LY96: variants seen among roughly 807,000 people sequenced by gnomAD.
The protein encoded by LY96 is lymphocyte antigen 96.
In LY96, 18 loss-of-function variants were observed where a neutral mutation model predicts 18.9. That is an observed-to-expected ratio of 0.95 (90% CI 0.66 to 1.41). The LOEUF is 1.41. LY96 is among the 40% of genes most tolerant of loss of function. The pLI, the probability that LY96 is intolerant of heterozygous loss-of-function variation, is 0.00. For synonymous variants in LY96, 66 were observed against 62.6 expected, an observed-to-expected ratio of 1.06 and a Z score of -0.26; for missense variants, 175 against 182.4, an observed-to-expected ratio of 0.96 and a Z score of 0.23.
intron 3 of LY96, among the ~76,000 whole-genome samples, chr8:74,014,308 G>A (rs1339607164): frequency 6.6e-6 from 1 of 150,764 alleles, no homozygotes; most frequent in African/African-American, 2.4e-5. Context: ...AGCTACTTGG[G>A]ACTGAGGTGG....
chr8:74,019,971 A>AT lies in LY96; in HGVS notation c.332-6817dup, dbSNP rs1362152315. ...AAACCCACAGCCAATATCATACTGA[A>AT]TGGGCAAAAACTGAAAGCATTCCCT... On this transcript the variant is annotated intron_variant, in intron 3 of 4. Coordinates refer to ENST00000284818, the MANE Select transcript of LY96 (RefSeq NM_015364.5). Among the ~76,000 whole-genome samples, 8 of 152,364 alleles carry AT rather than the reference A, an allele frequency of 5.3e-5. No individual in the cohort carries two copies. The East Asian group carries it at 1.5e-3, about 29-fold the overall frequency.
chr8:74,060,810 G>A, the LY96 span, among the ~76,000 whole-genome samples: 7 of 152,324 alleles, frequency 4.6e-5, no homozygotes, highest in East Asian at 7.7e-4. Flanking sequence ...GAAGTAAACT[G>A]ATCTATTTAT....
the LY96 span, among the ~76,000 whole-genome samples, chr8:74,068,101 T>TATATATATATAA: frequency 7.6e-6 from 1 of 130,882 alleles, no homozygotes; most frequent in African/African-American, 3.0e-5. Context: ...TATATATATA[T>TATATATATATAA]AACATTTCCT....
At chr8:74,016,607 A>AGTAGGG (rs1362766109) in intron 3 of LY96, among the ~76,000 whole-genome samples, 1 of 152,188 alleles carries the variant, frequency 6.6e-6, no homozygotes, top group East Asian at 1.9e-4. Context: ...GACACCTCCT[A>AGTAGGG]GTAGGGGCTT....
the LY96 span, among the ~76,000 whole-genome samples, chr8:74,064,538 C>T: frequency 7.2e-5 from 11 of 152,220 alleles, no homozygotes; most frequent in Non-Finnish European, 1.2e-4. Flanking sequence ...ATTTTAAAAG[C>T]GCATGGCACC....
At chr8:74,050,371 G>C in the LY96 span, among the ~76,000 whole-genome samples, 1 of 151,850 alleles carries the variant, frequency 6.6e-6, no homozygotes, top group Non-Finnish European at 1.5e-5. Context: ...AATAAATTTA[G>C]TATGAATTAA....
At chr8:74,037,756 C>A in the LY96 span, among the ~76,000 whole-genome samples, 1 of 152,306 alleles carries the variant, frequency 6.6e-6, no homozygotes, top group Non-Finnish European at 1.5e-5. Flanking sequence ...CTGGTTATTG[C>A]TTTAGTGAGT....
At chr8:73,995,445 G>A (rs1205017149) in intron 1 of LY96, among the ~76,000 whole-genome samples, 1 of 152,146 alleles carries the variant, frequency 6.6e-6, no homozygotes, top group East Asian at 1.9e-4. Context: ...GATTGGATTA[G>A]GGCCCATCCT....
the LY96 span, among the ~76,000 whole-genome samples, chr8:74,091,455 A>C: frequency 6.6e-6 from 1 of 152,238 alleles, no homozygotes; most frequent in Non-Finnish European, 1.5e-5. Context: ...TGAGTCAGGC[A>C]GAGTAAACCT....
chr8:74,079,923 G>A, the LY96 span, among the ~76,000 whole-genome samples: 2 of 152,230 alleles, frequency 1.3e-5, no homozygotes, highest in Non-Finnish European at 2.9e-5. Context: ...ATGTGTGCAG[G>A]GAAGGGGGAA....
chr8:74,016,332 C>A (rs1816641805), intron 3 of LY96, among the ~76,000 whole-genome samples: 1 of 152,236 alleles, frequency 6.6e-6, no homozygotes, highest in Non-Finnish European at 1.5e-5. Context: ...ATTGCTGAGG[C>A]TTGAGTAGGT....
chr8:74,035,578 C>G, the LY96 span, among the ~76,000 whole-genome samples: 2 of 152,298 alleles, frequency 1.3e-5, no homozygotes, highest in East Asian at 3.9e-4. Context: ...CAGGCAATGA[C>G]AGGAAGGGGG....
chr8:74,096,399 A>T, the LY96 span, among the ~76,000 whole-genome samples: 3 of 151,934 alleles, frequency 2.0e-5, no homozygotes, highest in African/African-American at 7.2e-5. Flanking sequence ...AACTTTCTAG[A>T]TGTGTTTCTA....
intron 1 of LY96, among the ~76,000 whole-genome samples, chr8:74,000,727 G>T (rs1816244275): frequency 6.6e-6 from 1 of 152,152 alleles, no homozygotes; most frequent in African/African-American, 2.4e-5. Flanking sequence ...TGCTATAACA[G>T]AATACGTAAG....
At chr8:74,026,871 T>C in intron 4 of LY96, 30 bp downstream of exon 4, 1 of 1,140,084 alleles carries the variant, frequency 8.8e-7, no homozygotes, top group Non-Finnish European at 1.3e-6. Flanking sequence ...TTGTACTGTC[T>C]AACCTTTAGC....
chr8:74,024,385 T>A, intron 3 of LY96, among the ~76,000 whole-genome samples: 1 of 151,054 alleles, frequency 6.6e-6, no homozygotes, highest in East Asian at 1.9e-4. Context: ...TATTAATGCA[T>A]TAATATTCAC....
intron 3 of LY96, among the ~76,000 whole-genome samples, chr8:74,022,581 C>CTTTTTTTTTTT (rs769379029): frequency 2.3e-5 from 3 of 133,146 alleles, no homozygotes; most frequent in African/African-American, 8.6e-5. Flanking sequence ...TTCTTTTTTT[C>CTTTTTTTTTTT]TTTTTTTTTT....
chr8:74,030,207 T>A (rs1037598550), downstream of LY96, among the ~76,000 whole-genome samples: 3 of 152,084 alleles, frequency 2.0e-5, no homozygotes, highest in Non-Finnish European at 4.4e-5. Context: ...TTCTGAGTTG[T>A]TTACCAAGAA....
At chr8:74,090,711 T>C in the LY96 span, among the ~76,000 whole-genome samples, 1 of 152,228 alleles carries the variant, frequency 6.6e-6, no homozygotes, top group Non-Finnish European at 1.5e-5. Flanking sequence ...CTTACTGATG[T>C]AGATCAAAAT....
Sources: gnomAD v4.1 joint callset for allele counts (sites outside exome capture counted in the v4.1 genomes callset) on GRCh38, gnomAD v4.1.1 for gene constraint, MANE v1.5 for transcripts, NCBI Gene and HGNC (gene_info 2026-07-23, HGNC 2026-07-21) for gene names.